Variants in MTHFD2 observed in about 807,000 individuals in gnomAD.
The protein encoded by MTHFD2 is methylenetetrahydrofolate dehydrogenase (NADP+ dependent) 2, methenyltetrahydrofolate cyclohydrolase, also known as bifunctional methylenetetrahydrofolate dehydrogenase/cyclohydrolase, mitochondrial.
Under a neutral mutation model 36.8 loss-of-function variants are expected in MTHFD2, and 26 were observed. The ratio of observed to expected loss-of-function variants is 0.71; its 90% CI spans 0.52 to 0.98. The LOEUF (loss-of-function observed/expected upper bound fraction) is 0.98. MTHFD2 is among the 50% of genes least tolerant of loss of function. MTHFD2 has a pLI of 0.00. For missense variants in MTHFD2, 373 were observed against 434.0 expected, an observed-to-expected ratio of 0.86 and a Z score of 1.25; for synonymous variants, 164 against 155.2, an observed-to-expected ratio of 1.06 and a Z score of -0.42.
intron 1 of MTHFD2, among the ~76,000 whole-genome samples, chr2:74,202,353 A>G (rs13403547): frequency 0.012 from 1,879 of 152,254 alleles, 29 homozygotes; most frequent in African/African-American, 0.043. Context: ...TTCATTCAAC[A>G]TAAATGACTG....
Position 74,214,674 on chromosome 2 carries a change from G to A in MTHFD2, c.*432G>A. The A allele has an allele frequency of 6.5e-6, 1 of 152,678 alleles. No individual in the cohort carries two copies. Among genetic ancestry groups the A allele is most frequent in the Non-Finnish European group, 1.5e-5 (1 of 68,166 alleles). 9.5% of individuals were successfully genotyped at this position (152,678 alleles called of 1,614,324 possible). A position where few individuals can be genotyped will look rare whatever the true frequency, so the allele number is the denominator to read the frequency against. ...GAAAAGTGTTGCTAGAGAAAATTAG[G>A]GAAAAGGTGAAAAAGAAAAAATGGT... is the stretch of plus-strand genomic sequence containing the variant. On this transcript the variant is annotated 3_prime_UTR_variant, in exon 8 of 8. Transcript: ENST00000394053.
Position 74,217,507 on chromosome 2 carries a change from T to C in MTHFD2, c.*3265T>C, listed in dbSNP as rs1694483327. Reference sequence around the variant, plus strand: ...CTTACCTCTGTCTAACCTGTATTGTTCACATGAATGGGAGTTTGACTTTGG... The same window carrying C: ...CTTACCTCTGTCTAACCTGTATTGTCCACATGAATGGGAGTTTGACTTTGG... On this transcript the variant is annotated 3_prime_UTR_variant, in exon 8 of 8. Transcript: ENST00000394053. 6.6e-6 allele frequency: 1 copy of C among 152,212 alleles called. No homozygotes were observed. The highest frequency in any genetic ancestry group is 2.1e-4 in the South Asian group (1 of 4,832). 9.4% of individuals were successfully genotyped at this position (152,212 alleles called of 1,614,324 possible).
intron 1 of MTHFD2, among the ~76,000 whole-genome samples, chr2:74,199,861 G>C (rs930622952): frequency 6.6e-6 from 1 of 152,192 alleles, no homozygotes. Flanking sequence ...TCGGTCATTA[G>C]AGCGCTGGCA....
chr2:74,210,064 T>C lies in MTHFD2; in HGVS notation c.670+15T>C, dbSNP rs1272778466. ...ACGTCCCGGAGGTAAGGAAATTGCT[T>C]TCAGGGAACACTGTCCTTTTTTCCC... is the stretch of plus-strand genomic sequence containing the variant. On this transcript the variant is annotated intron_variant, in intron 5 of 7. Transcript: ENST00000394053. The C allele has an allele frequency of 2.5e-6, 4 of 1,602,926 alleles. No homozygotes were observed. The highest frequency in any genetic ancestry group is 3.4e-6 in the Non-Finnish European group (4 of 1,172,730).
intron 1 of MTHFD2, 104 bp from the exon 2 acceptor site, chr2:74,205,601 C>T (rs1163100234): frequency 7.5e-7 from 1 of 1,332,130 alleles, no homozygotes; most frequent in African/African-American, 1.5e-5. Context: ...GCCCCGGCCT[C>T]CCGAAGTGCT....
chr2:74,212,350 C>G (rs886380146), intron 7 of MTHFD2, among the ~76,000 whole-genome samples: 1 of 149,720 alleles, frequency 6.7e-6, no homozygotes. Flanking sequence ...ACTGCAGCCT[C>G]CACCTCACAG....
intron 1 of MTHFD2, among the ~76,000 whole-genome samples, chr2:74,200,545 CT>C (rs907973919): frequency 1.9e-3 from 265 of 143,042 alleles, no homozygotes; most frequent in Admixed American, 3.1e-3. Context: ...AGTCTGCATT[CT>C]TTTTTTTTTT....
intron 2 of MTHFD2, 107 bp downstream of exon 2, chr2:74,205,996 G>A: frequency 8.4e-7 from 1 of 1,187,494 alleles, no homozygotes; most frequent in Non-Finnish European, 1.2e-6. Context: ...CCCAAGCAGA[G>A]GAGGCTAATG....
chr2:74,203,036 T>C (rs2103808497), intron 1 of MTHFD2, among the ~76,000 whole-genome samples: 2 of 152,268 alleles, frequency 1.3e-5, no homozygotes, highest in Middle Eastern at 3.4e-3. Flanking sequence ...AGTCTTGCCC[T>C]GTTACACAGT....
At chr2:74,212,003 G>A (rs1694315845) in intron 7 of MTHFD2, 137 bp downstream of exon 7, 2 of 708,028 alleles carry the variant, frequency 2.8e-6, no homozygotes, top group African/African-American at 2.1e-5. Flanking sequence ...AGGCTGGAGT[G>A]CAGTGGCGCG....
intron 7 of MTHFD2, 78 bp downstream of exon 7, chr2:74,211,944 C>CTTTTTTTTTTTTT (rs71406866): frequency 2.4e-6 from 1 of 424,488 alleles, no homozygotes; most frequent in Non-Finnish European, 3.2e-6. Context: ...AGATTATTTA[C>CTTTTTTTTTTTTT]TTTTTTTTTT....
intron 6 of MTHFD2, 115 bp from the exon 7 acceptor site, chr2:74,211,626 T>G (rs1197647478): frequency 2.9e-6 from 3 of 1,048,062 alleles, no homozygotes; most frequent in Admixed American, 2.9e-5. Flanking sequence ...TTTAACAGGT[T>G]TTAATAAAAC....
intron 2 of MTHFD2, chr2:74,206,203 G>C (rs1694176064): frequency 4.5e-6 from 1 of 221,126 alleles, no homozygotes; most frequent in South Asian, 7.7e-5. Context: ...AGCAATAATG[G>C]GTCTCCAGTG....
chr2:74,209,104 C>G (rs1485771962), intron 4 of MTHFD2, among the ~76,000 whole-genome samples: 1 of 149,816 alleles, frequency 6.7e-6, no homozygotes, highest in Non-Finnish European at 1.5e-5. Context: ...AACTAGGCCT[C>G]AGGTGATCCG....
intron 1 of MTHFD2, among the ~76,000 whole-genome samples, chr2:74,199,229 C>T (rs1693981128): frequency 1.3e-5 from 2 of 152,158 alleles, no homozygotes; most frequent in African/African-American, 4.8e-5. Context: ...AATCGCGGAG[C>T]CGACTTGCTC....
rs765345217 is a variant in MTHFD2, at chr2:74,211,185, T to A, written c.671-14T>A. On this transcript the variant is annotated splice_polypyrimidine_tract_variant and intron_variant, in intron 5 of 7. Coordinates refer to ENST00000394053, the MANE Select transcript of MTHFD2 (RefSeq NM_006636.4). Reference sequence around the variant, plus strand: ...TTGTGTCAGAAATCAAGACATCTATTTTTTTCTTTCTAGGTGATGCCACTG... The same window carrying A: ...TTGTGTCAGAAATCAAGACATCTATATTTTTCTTTCTAGGTGATGCCACTG... 4 of 1,556,292 alleles carry A rather than the reference T, an allele frequency of 2.6e-6. No homozygotes were observed. The Admixed American group carries it at 6.7e-5, about 26-fold the overall frequency.
intron 1 of MTHFD2, among the ~76,000 whole-genome samples, chr2:74,203,887 TTTAGTTTAGTTTAGTTTAG>T (rs776806701): frequency 0.17 from 7,255 of 42,708 alleles, 284 homozygotes; most frequent in Middle Eastern, 0.29. Context: ...TTTAGTTTAG[TTTAGTTTAGTTTAGTTTAG>T]TTAGTTTAGT....
intron 1 of MTHFD2, among the ~76,000 whole-genome samples, 199 bp downstream of exon 1, chr2:74,198,941 C>G (rs1421982366): frequency 2.0e-5 from 3 of 152,106 alleles, no homozygotes; most frequent in African/African-American, 7.2e-5. Flanking sequence ...TTCCTCGGCG[C>G]GGAGGGCTGG....
chr2:74,207,609 A>G, intron 2 of MTHFD2, 95 bp from the exon 3 acceptor site: 3 of 1,233,086 alleles, frequency 2.4e-6, no homozygotes, highest in Non-Finnish European at 3.4e-6. Context: ...GTGTGATGAT[A>G]CAAAACCCGT....
Sources: allele counts gnomAD v4.1 joint callset (sites outside exome capture counted in the v4.1 genomes callset), GRCh38; gene constraint gnomAD v4.1.1; transcripts MANE v1.5; gene names NCBI Gene and HGNC (gene_info 2026-07-23, HGNC 2026-07-21).